KCTD1: variants seen among roughly 807,000 people sequenced by gnomAD.
KCTD1 encodes potassium channel tetramerization domain containing 1.
A neutral mutation model predicts 66.0 loss-of-function variants in KCTD1; 24 were observed. The observed-to-expected ratio is 0.36, with a 90% CI of 0.26 to 0.51. The LOEUF (loss-of-function observed/expected upper bound fraction) is 0.51, where lower values mean the gene tolerates loss of function less well. Among genes scored for constraint, KCTD1 ranks in the 20% least tolerant of loss-of-function variants. KCTD1 has a pLI of 0.95. For missense variants in KCTD1, 943 were observed against 1,205.2 expected (o/e 0.78, Z 3.22); for synonymous variants, 511 against 517.2 (o/e 0.99, Z 0.16).
chr18:26,629,501 T>C (rs1488176901), upstream of KCTD1, among the ~76,000 whole-genome samples: 4 of 152,126 alleles, frequency 2.6e-5, no homozygotes, highest in East Asian at 1.9e-4. Context: ...TTAATTACAA[T>C]TGTAATAAGA....
intron 1 of KCTD1, among the ~76,000 whole-genome samples, chr18:26,561,898 G>A (rs1598942324): frequency 6.6e-6 from 1 of 152,152 alleles, no homozygotes; most frequent in African/African-American, 2.4e-5. Flanking sequence ...AGGGCCTGGG[G>A]CTGCTCTGTA....
chr18:26,586,383 C>T (rs1020642941), intron 1 of KCTD1, among the ~76,000 whole-genome samples: 3 of 152,142 alleles, frequency 2.0e-5, no homozygotes, highest in African/African-American at 4.8e-5. Flanking sequence ...GCATGTGTTC[C>T]GACTGCTCCA....
upstream of KCTD1, chr18:26,629,254 G>A (rs957398283): frequency 1.0e-6 from 1 of 979,316 alleles, no homozygotes; most frequent in African/African-American, 1.8e-5. Context: ...AAGGAGAAAA[G>A]CGTAAAATTG....
At chr18:26,641,213 G>A (rs149594883), upstream of KCTD1, among the ~76,000 whole-genome samples, 8 of 152,204 alleles carry the variant, frequency 5.3e-5, no homozygotes, top group East Asian at 3.9e-4. Flanking sequence ...TCCCTGCCCC[G>A]CTGTCATTTA....
intron 1 of KCTD1, among the ~76,000 whole-genome samples, chr18:26,634,811 A>G (rs764111842): frequency 1.3e-5 from 2 of 152,174 alleles, no homozygotes; most frequent in Non-Finnish European, 2.9e-5. Flanking sequence ...GACTTCCCCA[A>G]ATGAACACAG....
In KCTD1 at chr18:26,548,091, G is replaced by A. The variant is rs1278323679; in HGVS notation, c.446C>T (p.Pro149Leu). The change falls in exon 1 of 5, where the codon CCC becomes CTC. Residue 149 changes from proline (P) to leucine (L), a missense_variant. Coordinates refer to ENST00000580059, the MANE Select transcript of KCTD1 (RefSeq NM_001142730.3). ...LLAPRARGGP[P>L]GDGSELDPDV... Reference sequence around the variant, plus strand: ...GGGGTCCAGCTCGGAGCCGTCCCCGGGCGGCCCACCGCGGGCCCGGGGCGC... The same window carrying A: ...GGGGTCCAGCTCGGAGCCGTCCCCGAGCGGCCCACCGCGGGCCCGGGGCGC... The A allele has an allele frequency of 7.4e-7, 1 of 1,345,098 alleles. No individual in the cohort carries two copies. The highest frequency in any genetic ancestry group is 3.0e-5 in the East Asian group (1 of 33,300). 83.3% of individuals were successfully genotyped at this position (1,345,098 alleles called of 1,614,324 possible). A position where few individuals can be genotyped will look rare whatever the true frequency, so the allele number is the denominator to read the frequency against.
At chr18:26,616,891 C>T (rs1987267884) in intron 1 of KCTD1, among the ~76,000 whole-genome samples, 1 of 152,154 alleles carries the variant, frequency 6.6e-6, no homozygotes, top group South Asian at 2.1e-4. Flanking sequence ...GAGACCTTGC[C>T]TTTTGGGAGG....
intron 2 of KCTD1, among the ~76,000 whole-genome samples, chr18:26,495,635 T>C (rs909035224): frequency 1.3e-5 from 2 of 151,880 alleles, no homozygotes; most frequent in African/African-American, 4.8e-5. Flanking sequence ...ATAATCTACT[T>C]ATGTGGGAGT....
At chr18:26,546,430 A>G (rs1036427839) in intron 1 of KCTD1, among the ~76,000 whole-genome samples, 2 of 152,208 alleles carry the variant, frequency 1.3e-5, no homozygotes, top group African/African-American at 2.4e-5. Context: ...CATGCATTCA[A>G]TGAAGAGCGG....
intron 1 of KCTD1, among the ~76,000 whole-genome samples, chr18:26,625,533 C>T (rs1207961975): frequency 6.6e-6 from 1 of 152,160 alleles, no homozygotes; most frequent in Non-Finnish European, 1.5e-5. Flanking sequence ...ATGTTTGTTT[C>T]CCCTTCCACC....
intron 1 of KCTD1, among the ~76,000 whole-genome samples, chr18:26,627,546 A>G (rs914053679): frequency 3.3e-5 from 5 of 152,204 alleles, no homozygotes; most frequent in African/African-American, 1.2e-4. Context: ...TGCATTGGTC[A>G]TGGTTCCAGA....
chr18:26,532,253 C>CTTTCCTTCTTTTT (rs1567982831), intron 1 of KCTD1, among the ~76,000 whole-genome samples: 1 of 97,996 alleles, frequency 1.0e-5, no homozygotes, highest in Admixed American at 1.1e-4. Flanking sequence ...TTTTTCTTTT[C>CTTTCCTTCTTTTT]TTTCCTTCTT....
chr18:26,565,535 A>C (rs150098261), intron 1 of KCTD1, among the ~76,000 whole-genome samples: 38 of 152,326 alleles, frequency 2.5e-4, no homozygotes, highest in African/African-American at 8.9e-4. Flanking sequence ...ACCTGCAAGA[A>C]AGAAACTTGT....
chr18:26,484,582 T>C (rs1416569904), intron 2 of KCTD1, among the ~76,000 whole-genome samples: 1 of 152,218 alleles, frequency 6.6e-6, no homozygotes, highest in Admixed American at 6.5e-5. Context: ...GAGGGTTACA[T>C]TGACTGTTTA....
At chr18:26,613,736 A>C (rs1241880146) in intron 1 of KCTD1, among the ~76,000 whole-genome samples, 1 of 152,264 alleles carries the variant, frequency 6.6e-6, no homozygotes, top group Non-Finnish European at 1.5e-5. Context: ...CTTTGAACAG[A>C]GAGAAGAGGC....
At chr18:26,636,768 C>A (rs1407846710) in intron 1 of KCTD1, among the ~76,000 whole-genome samples, 1 of 152,204 alleles carries the variant, frequency 6.6e-6, no homozygotes, top group East Asian at 1.9e-4. Context: ...AATGGTCCTG[C>A]CACGCTTCAG....
At chr18:26,649,465 G>T (rs1443190995) in intron 1 of KCTD1, among the ~76,000 whole-genome samples, 1 of 152,098 alleles carries the variant, frequency 6.6e-6, no homozygotes, top group African/African-American at 2.4e-5. Flanking sequence ...TGTCCCCGTT[G>T]AGCCTCGGTT....
intron 1 of KCTD1, among the ~76,000 whole-genome samples, chr18:26,656,228 TG>T (rs1320214921): frequency 6.6e-6 from 1 of 151,986 alleles, no homozygotes; most frequent in Admixed American, 6.5e-5. Flanking sequence ...GCTCCTGACT[TG>T]GCGCTGACCG....
intron 2 of KCTD1, among the ~76,000 whole-genome samples, chr18:26,478,531 A>G (rs1026828589): frequency 2.0e-5 from 3 of 152,250 alleles, no homozygotes; most frequent in African/African-American, 7.2e-5. Flanking sequence ...TCACTTTAGT[A>G]AGAGAGGAAA....
Sources: allele counts gnomAD v4.1 joint callset (sites outside exome capture counted in the v4.1 genomes callset), GRCh38; gene constraint gnomAD v4.1.1; transcripts MANE v1.5; gene names NCBI Gene and HGNC (gene_info 2026-07-23, HGNC 2026-07-21).